Variants in IRAK1BP1 observed in about 807,000 individuals in gnomAD.
IRAK1BP1 encodes the protein interleukin 1 receptor associated kinase 1 binding protein 1.
A neutral mutation model predicts 28.0 loss-of-function variants in IRAK1BP1; 24 were observed. The observed-to-expected ratio is 0.86, with a 90% CI of 0.62 to 1.20. The LOEUF (loss-of-function observed/expected upper bound fraction) is 1.20, where lower values mean the gene tolerates loss of function less well. Ranked by LOEUF, IRAK1BP1 falls within the 50% of genes most tolerant of loss-of-function variation. The probability of loss-of-function intolerance (pLI) is 0.00; values close to 1 mark genes in which losing one functional copy is unlikely to be tolerated. For synonymous variants in IRAK1BP1, 131 were observed against 116.3 expected, an observed-to-expected ratio of 1.13 and a Z score of -0.81; for missense variants, 336 against 316.7, an observed-to-expected ratio of 1.06 and a Z score of -0.46.
intron 4 of IRAK1BP1, among the ~76,000 whole-genome samples, chr6:78,930,226 A>C (rs1207105315): frequency 1.3e-5 from 2 of 152,176 alleles, no homozygotes; most frequent in Non-Finnish European, 2.9e-5. Flanking sequence ...GCCTTGACAA[A>C]GTTTTTTATA....
intron 4 of IRAK1BP1, among the ~76,000 whole-genome samples, chr6:78,910,288 A>G (rs532251125): frequency 2.0e-5 from 3 of 152,254 alleles, no homozygotes; most frequent in East Asian, 1.9e-4. Context: ...GAAAGAGGAT[A>G]CTGGTTTTCC....
intron 4 of IRAK1BP1, among the ~76,000 whole-genome samples, chr6:78,915,940 G>A (rs1474621538): frequency 6.6e-6 from 1 of 152,162 alleles, no homozygotes; most frequent in Non-Finnish European, 1.5e-5. Context: ...CCAGTCAAGG[G>A]TGTCCATGAA....
the IRAK1BP1 span, chr6:78,970,916 C>A: frequency 6.8e-7 from 1 of 1,474,216 alleles, no homozygotes; most frequent in Non-Finnish European, 9.4e-7. Context: ...AATCTTACAA[C>A]CTGGATGTGT....
chr6:78,978,129 T>C, the IRAK1BP1 span, among the ~76,000 whole-genome samples: 1 of 152,088 alleles, frequency 6.6e-6, no homozygotes, highest in African/African-American at 2.4e-5. Context: ...AATTAAATAG[T>C]ATTTCTTATT....
chr6:78,877,539 T>G (rs192216678), intron 1 of IRAK1BP1, among the ~76,000 whole-genome samples: 1 of 152,156 alleles, frequency 6.6e-6, no homozygotes, highest in Non-Finnish European at 1.5e-5. Flanking sequence ...TAGGAACAGC[T>G]CCAGTCTACA....
the IRAK1BP1 span, among the ~76,000 whole-genome samples, chr6:78,971,242 C>T: frequency 6.6e-6 from 1 of 152,150 alleles, no homozygotes; most frequent in Admixed American, 6.5e-5. Flanking sequence ...GTAGTTTGTA[C>T]ATATGCAGAA....
chr6:78,942,704 CTCTTT>C (rs1773569069), intron 4 of IRAK1BP1, among the ~76,000 whole-genome samples: 1 of 152,162 alleles, frequency 6.6e-6, no homozygotes. Context: ...TTCTGTCAAT[CTCTTT>C]TGTTTTACAT....
At chr6:78,958,397 A>G in the IRAK1BP1 span, 4 of 930,728 alleles carry the variant, frequency 4.3e-6, no homozygotes, top group East Asian at 1.0e-4. Flanking sequence ...TACAAACAGT[A>G]TGTTTTCTAT....
At chr6:78,907,506 A>G (rs1772290071), downstream of IRAK1BP1, among the ~76,000 whole-genome samples, 1 of 152,118 alleles carries the variant, frequency 6.6e-6, no homozygotes, top group Non-Finnish European at 1.5e-5. Flanking sequence ...TTCACTAGGA[A>G]CAGAAGATCC....
chr6:78,955,031 T>A, the IRAK1BP1 span: 1 of 1,098,396 alleles, frequency 9.1e-7, no homozygotes, highest in Non-Finnish European at 1.3e-6. Flanking sequence ...ACTTTTAATG[T>A]AGTCTTAGAT....
chr6:78,924,130 G>T (rs1030371710), intron 4 of IRAK1BP1, among the ~76,000 whole-genome samples: 5 of 152,168 alleles, frequency 3.3e-5, no homozygotes, highest in African/African-American at 1.2e-4. Context: ...GAATCCAGGA[G>T]TTGGTTTTTT....
chr6:78,928,449 G>C (rs940060225), intron 4 of IRAK1BP1, among the ~76,000 whole-genome samples: 1 of 152,032 alleles, frequency 6.6e-6, no homozygotes, highest in African/African-American at 2.4e-5. Flanking sequence ...CCAAATATAA[G>C]ATGATATCGT....
At chr6:78,916,333 G>T (rs867606511) in intron 4 of IRAK1BP1, among the ~76,000 whole-genome samples, 1 of 151,940 alleles carries the variant, frequency 6.6e-6, no homozygotes, top group South Asian at 2.1e-4. Flanking sequence ...GTGCAAGAAG[G>T]TCCTCTTGGT....
Position 78,867,641 on chromosome 6 carries a change from G to T in IRAK1BP1, c.65G>T (p.Ser22Ile). ...FVELVPWADR[S>I]RENNLASGRE... ...GAACTGGTTCCCTGGGCTGACCGGA[G>T]CCGGGAGAACAACCTGGCCTCAGGG... Residue 22 changes from serine (S) to isoleucine (I), a missense_variant, in exon 1 of 4, where the codon AGC (serine) becomes ATC (isoleucine). Coordinates refer to ENST00000369940, the MANE Select transcript of IRAK1BP1 (RefSeq NM_001010844.4). 6.2e-7 allele frequency: 1 copy of T among 1,614,234 alleles called. No homozygotes were observed. Among genetic ancestry groups the T allele is most frequent in the Non-Finnish European group, 8.5e-7 (1 of 1,180,032 alleles).
chr6:78,968,884 T>A, the IRAK1BP1 span, among the ~76,000 whole-genome samples: 7 of 152,184 alleles, frequency 4.6e-5, no homozygotes, highest in Non-Finnish European at 8.8e-5. Flanking sequence ...GTGTTCCAAT[T>A]TTTTCCCCCT....
chr6:78,939,233 T>C (rs187017324), intron 4 of IRAK1BP1: 1 of 151,936 alleles, frequency 6.6e-6, no homozygotes, highest in East Asian at 1.9e-4. Flanking sequence ...CTAAGTCATA[T>C]AGTTATCATT....
At chr6:78,941,509 T>C (rs573233598) in intron 4 of IRAK1BP1, among the ~76,000 whole-genome samples, 1 of 152,214 alleles carries the variant, frequency 6.6e-6, no homozygotes, top group African/African-American at 2.4e-5. Flanking sequence ...ATTTATTTTC[T>C]AATTAAAAGA....
In IRAK1BP1 at chr6:78,890,414, T is replaced by TA. The variant is rs35606311; in HGVS notation, c.381+4984dup. Among the ~76,000 whole-genome samples the TA allele has an allele frequency of 8.1e-3, 1,155 of 143,062 alleles. 8 individuals carry two copies. The highest frequency in any genetic ancestry group is 0.012 in the African/African-American group (468 of 38,216). 93.9% of individuals were successfully genotyped at this position (143,062 alleles called of 152,430 possible). On this transcript the variant is annotated intron_variant, in intron 2 of 3. Coordinates refer to ENST00000369940, the MANE Select transcript of IRAK1BP1 (RefSeq NM_001010844.4). ...GTATCCCAGAACTTAAAGTATAAGT[T>TA]AAAAAAAAAAAAAGTCCAAAAAGAG... is the stretch of plus-strand genomic sequence containing the variant.
chr6:78,887,886 G>GA (rs1425212145), intron 2 of IRAK1BP1, among the ~76,000 whole-genome samples: 1 of 152,084 alleles, frequency 6.6e-6, no homozygotes, highest in Non-Finnish European at 1.5e-5. Flanking sequence ...TCAGGATCTG[G>GA]AAAAAATACC....
Sources: allele counts gnomAD v4.1 joint callset (sites outside exome capture counted in the v4.1 genomes callset), GRCh38; gene constraint gnomAD v4.1.1; transcripts MANE v1.5; gene names NCBI Gene and HGNC (gene_info 2026-07-23, HGNC 2026-07-21).